Variants in ROCK2 observed in about 807,000 individuals in gnomAD.
ROCK2 encodes the protein rho-associated protein kinase 2.
A neutral mutation model predicts 195.1 loss-of-function variants in ROCK2; 61 were observed. The observed-to-expected ratio is 0.31, with a 90% confidence interval of 0.25 to 0.39. The LOEUF is 0.39. ROCK2 is among the 10% of genes least tolerant of loss of function. ROCK2 has a pLI of 1.00. For synonymous variants in ROCK2, 504 were observed against 545.5 expected (o/e 0.92, Z 1.06); for missense variants, 1,109 against 1,637.4 (o/e 0.68, Z 5.57).
chr2:11,214,031 G>A (rs752582850), intron 17 of ROCK2, among the ~76,000 whole-genome samples: 1 of 152,138 alleles, frequency 6.6e-6, no homozygotes, highest in Non-Finnish European at 1.5e-5. Flanking sequence ...AATGCCAAAA[G>A]TCATGGTGAC....
intron 1 of ROCK2, among the ~76,000 whole-genome samples, chr2:11,295,989 A>AGAGAGAGAGT (rs1329784247): frequency 4.3e-5 from 1 of 23,438 alleles, no homozygotes; most frequent in Non-Finnish European, 1.1e-4. Flanking sequence ...AGAGAGAGAG[A>AGAGAGAGAGT]GGAGAGAGAG....
chr2:11,320,358 C>T (rs968432633), intron 1 of ROCK2, among the ~76,000 whole-genome samples: 3 of 152,210 alleles, frequency 2.0e-5, no homozygotes, highest in African/African-American at 7.2e-5. Context: ...TTACCCACTA[C>T]CAGGTTCCTT....
At chr2:11,330,748 GGA>G (rs1668698041) in intron 1 of ROCK2, among the ~76,000 whole-genome samples, 2 of 69,474 alleles carry the variant, frequency 2.9e-5, no homozygotes, top group Non-Finnish European at 7.1e-5. Context: ...GAGGGAGGAG[GGA>G]GGAGGAGGAG....
Position 11,198,567 on chromosome 2 carries a change from T to C in ROCK2, c.3023A>G (p.Asp1008Gly). ...AATAGCTGCTGCGCTTATTTCTTCA[T>C]CTTTCAATCTTGACAGTTCTGAAAC... ...DVQEQLSRLKDEEISAAAIKA... is the reference protein window; with the variant it reads ...DVQEQLSRLKGEEISAAAIKA... The change falls in exon 25 of 33, where the codon GAT (aspartate) becomes GGT (glycine). Residue 1008 changes from aspartate to glycine, a missense_variant. This residue lies in a region of ROCK2 where 542 missense variants were observed against 672.0 expected (regional missense o/e 0.81). Transcript: ENST00000315872. The C allele has an allele frequency of 1.2e-6, 2 of 1,613,354 alleles. No homozygotes were observed. Among genetic ancestry groups the C allele is most frequent in the Non-Finnish European group, 1.7e-6 (2 of 1,179,704 alleles).
At chr2:11,206,070 T>C (rs937088250) in intron 20 of ROCK2, among the ~76,000 whole-genome samples, 3 of 151,806 alleles carry the variant, frequency 2.0e-5, no homozygotes, top group African/African-American at 4.8e-5. Flanking sequence ...GACCACACTA[T>C]TGCACTCCAA....
Position 11,192,655 on chromosome 2 carries a change from C to T in ROCK2, c.3745G>A (p.Val1249Ile). ...KKEQEFPVEP[V>I]GEKSNYICHK... ...CAAATATAATTAGATTTTTCTCCAA[C>T]TGGCTCCACTGGAAATTCTTGTTCC... Residue 1249 changes from valine (V) to isoleucine (I), a missense_variant, in exon 31 of 33, where the codon GTT (valine) becomes ATT (isoleucine). Transcript: ENST00000315872. This position sits in a 1 kb window ranked among gnomAD's most constrained non-coding sequence, Gnocchi z 5.0. 1 of 1,613,950 alleles carries T rather than the reference C, an allele frequency of 6.2e-7. No homozygotes were observed. Among genetic ancestry groups the T allele is most frequent in the Non-Finnish European group, 8.5e-7 (1 of 1,179,948 alleles).
chr2:11,331,935 C>T (rs187867766), intron 1 of ROCK2, among the ~76,000 whole-genome samples: 5 of 152,050 alleles, frequency 3.3e-5, no homozygotes, highest in African/African-American at 7.2e-5. Flanking sequence ...ACAACAACAA[C>T]AACAGAAACA....
chr2:11,183,290 A>C lies in ROCK2; in HGVS notation c.*147T>G. On this transcript the variant is annotated 3_prime_UTR_variant, in exon 33 of 33. Coordinates refer to ENST00000315872, the MANE Select transcript of ROCK2 (RefSeq NM_004850.5). ...GATTTGTAATTTATATTACAGGGAA[A>C]AGGGGAACACATATATGTATGAGTG... The C allele has an allele frequency of 1.8e-6, 1 of 552,000 alleles. No individual in the cohort carries two copies. The highest frequency in any genetic ancestry group is 3.2e-6 in the Non-Finnish European group (1 of 315,068). 34.2% of individuals were successfully genotyped at this position (552,000 alleles called of 1,614,324 possible). A position where few individuals can be genotyped will look rare whatever the true frequency, so the allele number is the denominator to read the frequency against.
intron 1 of ROCK2, among the ~76,000 whole-genome samples, chr2:11,300,438 A>C (rs1178871923): frequency 2.0e-5 from 3 of 151,870 alleles, no homozygotes; most frequent in Non-Finnish European, 4.4e-5. Flanking sequence ...TTATTTTTGT[A>C]CTTTTAGTAG....
At position 11,197,392 on chromosome 2, in the gene ROCK2, ACT is replaced by A. The variant is rs778607034; in HGVS notation, c.3280-46_3280-45del. On this transcript the variant is annotated intron_variant, in intron 26 of 32. Transcript: ENST00000315872. The surrounding 1 kb of genome is among the most constrained non-coding windows in gnomAD (Gnocchi z 4.9). Reference sequence around the variant, plus strand: ...CAATAAGTTAATTGGATGCAACATAACTCAACATTTTGCTTCTTGGTTCAATA... The same window carrying A: ...CAATAAGTTAATTGGATGCAACATAACAACATTTTGCTTCTTGGTTCAATA... 17 of 1,575,500 alleles carry A rather than the reference ACT, an allele frequency of 1.1e-5. No homozygotes were observed. Among genetic ancestry groups the A allele is most frequent in the Middle Eastern group, 1.7e-4 (1 of 5,910 alleles).
intron 1 of ROCK2, among the ~76,000 whole-genome samples, chr2:11,317,576 T>TATATATATATA (rs1668236906): frequency 1.4e-4 from 4 of 29,584 alleles, no homozygotes; most frequent in Admixed American, 5.4e-4. Context: ...ATCTACACAT[T>TATATATATATA]TATATATATA....
chr2:11,261,541 G>C (rs146071129), intron 3 of ROCK2, among the ~76,000 whole-genome samples: 12 of 152,142 alleles, frequency 7.9e-5, no homozygotes, highest in African/African-American at 2.4e-4. Context: ...TGGATTTGCC[G>C]GGCTTGGTGG....
chr2:11,182,901 TATAAAAA>T lies in ROCK2; in HGVS notation c.*529_*535del, dbSNP rs1187020019. ...CAAGTAATGATATCTGATTAATGTG[TATAAAAA>T]ATAAAGTGGGAAGTTTAAAAAACCT... On this transcript the variant is annotated 3_prime_UTR_variant, in exon 33 of 33. Coordinates refer to ENST00000315872, the MANE Select transcript of ROCK2 (RefSeq NM_004850.5). 6.6e-6 allele frequency: 1 copy of T among 152,568 alleles called. No homozygotes were observed. Among genetic ancestry groups the T allele is most frequent in the African/African-American group, 2.4e-5 (1 of 41,426 alleles). 9.5% of individuals were successfully genotyped at this position (152,568 alleles called of 1,614,324 possible).
At chr2:11,303,247 CA>C (rs1667760143) in intron 1 of ROCK2, among the ~76,000 whole-genome samples, 2 of 152,168 alleles carry the variant, frequency 1.3e-5, no homozygotes, top group African/African-American at 4.8e-5. Flanking sequence ...AAGAAGATGT[CA>C]CTTTGTCCTT....
At position 11,215,629 on chromosome 2, in the gene ROCK2, C is replaced by T. The variant is rs1307412206; in HGVS notation, c.1478G>A (p.Ser493Asn). The T allele has an allele frequency of 6.2e-7, 1 of 1,606,300 alleles. No homozygotes were observed. Among genetic ancestry groups the T allele is most frequent in the South Asian group, 1.1e-5 (1 of 88,542 alleles). ...ELEEEITLRK[S>N]VESALRQLER... ...TAACTGTCTTAATGCTGATTCCACA[C>T]TTTTCCGTAAGGTAATCTGAAATAA... Residue 493 changes from serine to asparagine, a missense_variant, in exon 14 of 33, where the codon AGT becomes AAT. Physicochemically the swap from Ser to Asn is conservative, Grantham distance 46 (BLOSUM62 1). Around this residue, in one of 6 missense-constraint regions of ROCK2, gnomAD observed 542 missense variants for 672.0 expected, o/e 0.81. Transcript: ENST00000315872.
intron 1 of ROCK2, among the ~76,000 whole-genome samples, chr2:11,338,228 G>A (rs530541643): frequency 3.3e-5 from 5 of 152,172 alleles, no homozygotes; most frequent in African/African-American, 1.2e-4. Flanking sequence ...GCACAGGCCT[G>A]TAGTCCCTAC....
At chr2:11,338,094 A>C (rs59048275) in intron 1 of ROCK2, among the ~76,000 whole-genome samples, 58,907 of 152,100 alleles carry the variant, frequency 0.39, 13,280 homozygotes, top group Admixed American at 0.52. Flanking sequence ...CCTCTAATCC[A>C]ACGTTTTCAG....
At chr2:11,198,881 T>TCC in intron 23 of ROCK2, 107 bp from the exon 24 acceptor site, 1 of 631,382 alleles carries the variant, frequency 1.6e-6, no homozygotes, top group African/African-American at 2.2e-5. Flanking sequence ...CCTCTTATTT[T>TCC]TCTTTTTTTT....
Position 11,180,683 on chromosome 2 carries a change from C to G in ROCK2, c.*2754G>C, listed in dbSNP as rs908246712. 6.6e-6 allele frequency: 1 copy of G among 152,098 alleles called. No individual in the cohort carries two copies. Among genetic ancestry groups the G allele is most frequent in the African/African-American group, 2.4e-5 (1 of 41,408 alleles). The allele number at this position is 152,098 out of a possible 1,614,324, so 9.4% of individuals were successfully genotyped here. A position where few individuals can be genotyped will look rare whatever the true frequency, so the allele number is the denominator to read the frequency against. The stretch of plus-strand genomic sequence containing the variant: ...AGGTATTTATGGTTCTAGGAGAAAT[C>G]AGGTGTGAAGGAACAAGCAAATTTT... On this transcript the variant is annotated 3_prime_UTR_variant, in exon 33 of 33. Transcript: ENST00000315872.
Sources: gnomAD v4.1 joint callset for allele counts (sites outside exome capture counted in the v4.1 genomes callset) on GRCh38, gnomAD v4.1.1 for gene constraint, gnomAD v4.1.1 regional missense constraint, Gnocchi (gnomAD v3.1) non-coding constraint, MANE v1.5 for transcripts, NCBI Gene and HGNC (gene_info 2026-07-23, HGNC 2026-07-21) for gene names.